C8orf34: variants seen among roughly 807,000 people sequenced by gnomAD.
C8orf34 encodes chromosome 8 open reading frame 34.
Under a neutral mutation model 68.3 loss-of-function variants are expected in C8orf34, and 65 were observed. That is an observed-to-expected ratio of 0.95 (90% CI 0.78 to 1.17). The LOEUF (loss-of-function observed/expected upper bound fraction) is 1.17. Among genes scored for constraint, C8orf34 ranks in the 50% most tolerant of loss-of-function variants. C8orf34 has a pLI of 0.00. For missense variants in C8orf34, 664 were observed against 655.4 expected (o/e 1.01, Z -0.14); for synonymous variants, 244 against 241.2 (o/e 1.01, Z -0.11).
chr8:68,615,458 C>T (rs1336818786), intron 7 of C8orf34, among the ~76,000 whole-genome samples: 4 of 152,022 alleles, frequency 2.6e-5, no homozygotes, highest in East Asian at 1.9e-4. Flanking sequence ...TTTTGAGATA[C>T]GTCCCATCAA....
intron 10 of C8orf34, among the ~76,000 whole-genome samples, chr8:68,770,485 GTCTATT>G (rs903921384): frequency 3.9e-5 from 6 of 152,172 alleles, no homozygotes; most frequent in African/African-American, 9.7e-5. Context: ...GTATGCTTTA[GTCTATT>G]TCTAAGTCCA....
At chr8:68,603,090 C>A (rs1817746115) in intron 7 of C8orf34, among the ~76,000 whole-genome samples, 1 of 152,058 alleles carries the variant, frequency 6.6e-6, no homozygotes, top group Admixed American at 6.6e-5. Flanking sequence ...CCATTCTCTT[C>A]TGTTCATCTT....
Position 68,384,738 on chromosome 8 carries a change from T to C in C8orf34, c.327+53399T>C, listed in dbSNP as rs537307239. ...AGTTGGTACGTGCAGGCTTAACTGT[T>C]ATCTCCACTCAGCCAAAGGTTTTGT... is the stretch of plus-strand genomic sequence containing the variant. On this transcript the variant is annotated intron_variant, in intron 1 of 13. Coordinates refer to ENST00000518698, the MANE Select transcript of C8orf34 (RefSeq NM_052958.4). Among the ~76,000 whole-genome samples the C allele has an allele frequency of 6.6e-5, 10 of 152,322 alleles. No homozygotes were observed. In the East Asian group the frequency reaches 1.2e-3, roughly 18 times the overall value.
At chr8:68,789,186 A>G (rs918779115) in intron 12 of C8orf34, among the ~76,000 whole-genome samples, 4 of 152,232 alleles carry the variant, frequency 2.6e-5, no homozygotes, top group Admixed American at 1.3e-4. Context: ...CATGTTAAAA[A>G]AAACCTTCAA....
intron 11 of C8orf34, among the ~76,000 whole-genome samples, chr8:68,787,195 A>G (rs1186740101): frequency 6.6e-6 from 1 of 152,220 alleles, no homozygotes; most frequent in East Asian, 1.9e-4. Flanking sequence ...TTAATTCATA[A>G]GGAATACAGT....
At chr8:68,765,913 A>G (rs1482616858) in intron 10 of C8orf34, among the ~76,000 whole-genome samples, 1 of 152,248 alleles carries the variant, frequency 6.6e-6, no homozygotes, top group East Asian at 1.9e-4. Flanking sequence ...AGTCAGTGAA[A>G]AATAATTTTT....
At chr8:68,709,602 C>G (rs1041488970) in intron 9 of C8orf34, among the ~76,000 whole-genome samples, 1 of 152,130 alleles carries the variant, frequency 6.6e-6, no homozygotes, top group Admixed American at 6.6e-5. Context: ...AATTTCCTCC[C>G]TGAGTCAGCC....
At chr8:68,464,115 T>C (rs1255513686) in intron 3 of C8orf34, among the ~76,000 whole-genome samples, 1 of 152,146 alleles carries the variant, frequency 6.6e-6, no homozygotes, top group East Asian at 1.9e-4. Flanking sequence ...AAAATCAATG[T>C]ACAAAAATCA....
At chr8:68,623,378 C>A (rs898113002) in intron 7 of C8orf34, among the ~76,000 whole-genome samples, 4 of 152,068 alleles carry the variant, frequency 2.6e-5, no homozygotes, top group African/African-American at 9.7e-5. Flanking sequence ...GGGGGCTGGC[C>A]TCTACCAACT....
intron 10 of C8orf34, among the ~76,000 whole-genome samples, chr8:68,729,222 A>G (rs1213194831): frequency 2.6e-5 from 4 of 152,188 alleles, no homozygotes; most frequent in Non-Finnish European, 4.4e-5. Context: ...TATTTGGCCA[A>G]TGCAGTACAT....
intron 7 of C8orf34, among the ~76,000 whole-genome samples, chr8:68,627,816 C>G (rs1189152527): frequency 1.3e-5 from 2 of 152,158 alleles, no homozygotes; most frequent in Non-Finnish European, 2.9e-5. Flanking sequence ...AAATTCTAGT[C>G]TACTAATTTT....
chr8:68,541,439 C>G (rs1815697470), intron 7 of C8orf34, among the ~76,000 whole-genome samples: 1 of 151,618 alleles, frequency 6.6e-6, no homozygotes, highest in African/African-American at 2.4e-5. Context: ...GCACTCCAGC[C>G]TGGGCAATAG....
intron 4 of C8orf34, among the ~76,000 whole-genome samples, chr8:68,484,025 T>C (rs1812970880): frequency 6.6e-6 from 1 of 152,206 alleles, no homozygotes; most frequent in Non-Finnish European, 1.5e-5. Flanking sequence ...AAAGGGGGTT[T>C]AATTGGCTTA....
At chr8:68,450,477 G>A (rs535268900) in intron 3 of C8orf34, among the ~76,000 whole-genome samples, 1 of 152,070 alleles carries the variant, frequency 6.6e-6, no homozygotes, top group Non-Finnish European at 1.5e-5. Flanking sequence ...ATCTATGGCA[G>A]ATATACCTGT....
chr8:68,525,471 T>C (rs542267643), intron 6 of C8orf34: 101 of 587,932 alleles, frequency 1.7e-4, no homozygotes, highest in Non-Finnish European at 2.8e-4. Flanking sequence ...AAATTTCTTT[T>C]TGGTTTCCCT....
At chr8:68,535,457 T>G in intron 7 of C8orf34, 1 of 969,580 alleles carries the variant, frequency 1.0e-6, no homozygotes, top group Non-Finnish European at 1.2e-6. Context: ...GGTATAATTG[T>G]TAGTTGACAT....
intron 7 of C8orf34, among the ~76,000 whole-genome samples, chr8:68,543,985 G>A (rs1000739493): frequency 4.6e-5 from 7 of 152,138 alleles, no homozygotes; most frequent in African/African-American, 1.4e-4. Flanking sequence ...CACTCCCCTG[G>A]CCAACTTGTT....
chr8:68,615,363 G>C (rs1818172309), intron 7 of C8orf34, among the ~76,000 whole-genome samples: 1 of 150,450 alleles, frequency 6.6e-6, no homozygotes, highest in East Asian at 1.9e-4. Flanking sequence ...TCCCTGTCTT[G>C]TGCCAGTTTT....
At chr8:68,527,248 T>C (rs933304223) in intron 6 of C8orf34, among the ~76,000 whole-genome samples, 1 of 152,106 alleles carries the variant, frequency 6.6e-6, no homozygotes, top group Admixed American at 6.6e-5. Flanking sequence ...GCTTTGCATA[T>C]TGTAACCCAT....
Sources: allele counts gnomAD v4.1 joint callset (sites outside exome capture counted in the v4.1 genomes callset), GRCh38; gene constraint gnomAD v4.1.1; transcripts MANE v1.5; gene names NCBI Gene and HGNC (gene_info 2026-07-23, HGNC 2026-07-21).